CNTN3: variants seen among roughly 807,000 people sequenced by gnomAD.
CNTN3 encodes the protein contactin-3.
Under a neutral mutation model 119.1 loss-of-function variants are expected in CNTN3, and 60 were observed. The ratio of observed to expected loss-of-function variants is 0.50; its 90% CI spans 0.41 to 0.62. The LOEUF is 0.62. Ranked by LOEUF, CNTN3 falls within the 20% of genes least tolerant of loss-of-function variation. The pLI is 0.00. For missense variants in CNTN3, 1,101 were observed against 1,242.4 expected, an observed-to-expected ratio of 0.89 and a Z score of 1.71; for synonymous variants, 450 against 438.7, an observed-to-expected ratio of 1.03 and a Z score of -0.32.
chr3:74,384,844 C>G (rs1314723340), intron 5 of CNTN3, among the ~76,000 whole-genome samples: 1 of 152,182 alleles, frequency 6.6e-6, no homozygotes, highest in Non-Finnish European at 1.5e-5. Context: ...AATTACTGAA[C>G]TGCTCATATT....
At chr3:74,267,576 C>T (rs1001072403) in intron 20 of CNTN3, 198 bp from the exon 21 acceptor site, 2 of 502,860 alleles carry the variant, frequency 4.0e-6, no homozygotes, top group Admixed American at 3.3e-5. Context: ...TTCATTCATA[C>T]ACCAAACCCC....
intron 20 of CNTN3, among the ~76,000 whole-genome samples, chr3:74,271,761 G>T (rs958639168): frequency 6.6e-6 from 1 of 152,040 alleles, no homozygotes; most frequent in African/African-American, 2.4e-5. Flanking sequence ...TAAACATGTG[G>T]TATTGTGCAA....
intron 4 of CNTN3, among the ~76,000 whole-genome samples, chr3:74,481,495 G>A (rs6799372): frequency 0.22 from 33,766 of 151,608 alleles, 3,868 homozygotes; most frequent in East Asian, 0.34. Context: ...TACATGTCAC[G>A]TCTGATAACT....
In CNTN3 at chr3:74,285,350, C is replaced by T. The variant is rs370366005; in HGVS notation, c.2659G>A (p.Ala887Thr). ...TAVRAYNSAG[A>T]GPFSATVNVT... ...TTAACTGTGGCGCTAAAAGGCCCAG[C>T]GCCGGCACTGTTGTAAGCCCGGACA... The change falls in exon 20 of 23, where the codon GCT becomes ACT. Residue 887 changes from alanine (A) to threonine (T), a missense_variant. Ala to Thr is a moderately conservative substitution (Grantham distance 58). Transcript: ENST00000263665. The T allele has an allele frequency of 9.9e-6, 16 of 1,612,656 alleles. No individual in the cohort carries two copies. The highest frequency in any genetic ancestry group is 5.5e-5 in the South Asian group (5 of 90,936).
intron 3 of CNTN3, among the ~76,000 whole-genome samples, chr3:74,493,695 G>A (rs1703008127): frequency 6.6e-6 from 1 of 152,134 alleles, no homozygotes. Flanking sequence ...AAATGTGTCT[G>A]TGTTCAAATG....
chr3:74,346,529 T>A (rs968298896), intron 11 of CNTN3, among the ~76,000 whole-genome samples: 4 of 152,058 alleles, frequency 2.6e-5, no homozygotes, highest in Non-Finnish European at 5.9e-5. Flanking sequence ...GGAAAATGGG[T>A]CATAGTACAA....
chr3:74,514,735 C>A (rs1277477255), intron 2 of CNTN3, among the ~76,000 whole-genome samples: 1 of 151,972 alleles, frequency 6.6e-6, no homozygotes, highest in Non-Finnish European at 1.5e-5. Context: ...AAATAGTATC[C>A]AGTGTTAGAT....
intron 4 of CNTN3, among the ~76,000 whole-genome samples, chr3:74,480,230 T>A (rs891672065): frequency 7.9e-5 from 12 of 152,246 alleles, no homozygotes; most frequent in African/African-American, 2.6e-4. Context: ...AAAATTTGTA[T>A]CCTCTGTGAA....
intron 19 of CNTN3, among the ~76,000 whole-genome samples, chr3:74,293,863 T>C (rs1446248201): frequency 6.6e-6 from 1 of 152,224 alleles, no homozygotes; most frequent in Non-Finnish European, 1.5e-5. Flanking sequence ...GCAGATTAGC[T>C]TTGTCCTGCC....
intron 3 of CNTN3, among the ~76,000 whole-genome samples, chr3:74,495,291 G>T (rs1218809279): frequency 1.3e-5 from 2 of 151,948 alleles, no homozygotes; most frequent in African/African-American, 4.8e-5. Flanking sequence ...AAATAACAAT[G>T]ATATCAGATC....
At chr3:74,592,880 A>T (rs1482265892) in intron 1 of CNTN3, among the ~76,000 whole-genome samples, 1 of 152,046 alleles carries the variant, frequency 6.6e-6, no homozygotes, top group African/African-American at 2.4e-5. Context: ...TACACAAAAA[A>T]TAAGTGAAAT....
Position 74,560,099 on chromosome 3 carries a change from G to C in CNTN3, c.-80-38907C>G, listed in dbSNP as rs75681859. Among the ~76,000 whole-genome samples, 101 of 152,260 alleles carry C rather than the reference G, an allele frequency of 6.6e-4. No individual in the cohort carries two copies. The East Asian group carries it at 0.018, about 27-fold the overall frequency. Reference sequence around the variant, plus strand: ...ACGGTATCAGTCCTGCTCAGGCTGTGAAACGAGATAGCCCAGGGTGCAAAT... The same window carrying C: ...ACGGTATCAGTCCTGCTCAGGCTGTCAAACGAGATAGCCCAGGGTGCAAAT... On this transcript the variant is annotated intron_variant, in intron 1 of 22. Coordinates refer to ENST00000263665, the MANE Select transcript of CNTN3 (RefSeq NM_020872.3).
At chr3:74,349,319 T>C (rs1575743630) in intron 11 of CNTN3, among the ~76,000 whole-genome samples, 1 of 152,084 alleles carries the variant, frequency 6.6e-6, no homozygotes, top group Non-Finnish European at 1.5e-5. Flanking sequence ...CTACTGAATA[T>C]ATAAAGAAAC....
At chr3:74,402,254 G>A (rs1228002308) in intron 5 of CNTN3, among the ~76,000 whole-genome samples, 1 of 152,142 alleles carries the variant, frequency 6.6e-6, no homozygotes, top group Admixed American at 6.6e-5. Context: ...AAATATAGGA[G>A]CACTGTTTAA....
intron 4 of CNTN3, among the ~76,000 whole-genome samples, chr3:74,472,643 T>C (rs936913720): frequency 6.6e-6 from 1 of 152,238 alleles, no homozygotes; most frequent in Non-Finnish European, 1.5e-5. Context: ...AAGTCACAAC[T>C]TTCTAATGAG....
At chr3:74,290,681 T>G (rs1702210664) in intron 19 of CNTN3, among the ~76,000 whole-genome samples, 1 of 152,110 alleles carries the variant, frequency 6.6e-6, no homozygotes, top group Non-Finnish European at 1.5e-5. Context: ...CTGCCATATG[T>G]GTTCATTTAT....
intron 11 of CNTN3, among the ~76,000 whole-genome samples, chr3:74,348,033 TG>T (rs1160141829): frequency 6.6e-6 from 1 of 152,084 alleles, no homozygotes; most frequent in African/African-American, 2.4e-5. Context: ...AGCTGGAGGA[TG>T]GGGGAGATGG....
At position 74,361,986 on chromosome 3, in the gene CNTN3, A is replaced by T. The variant is rs1203648005; in HGVS notation, c.1268T>A (p.Val423Glu). Reference sequence around the variant, plus strand: ...ACAATCCAAGCTGACCAGGCTGCCCACCTGCACCTGAACCAACTTCTTCAT... The same window carrying T: ...ACAATCCAAGCTGACCAGGCTGCCCTCCTGCACCTGAACCAACTTCTTCAT... Reference protein sequence around the residue: ...NPMKKLVQVQVGSLVSLDCKP... With the variant: ...NPMKKLVQVQEGSLVSLDCKP... Residue 423 changes from valine to glutamate, a missense_variant, in exon 11 of 23, where the codon GTG becomes GAG. Transcript: ENST00000263665. 1.9e-6 allele frequency: 3 copies of T among 1,613,696 alleles called. No homozygotes were observed. Among genetic ancestry groups the T allele is most frequent in the African/African-American group, 2.7e-5 (2 of 74,914 alleles).
intron 10 of CNTN3, among the ~76,000 whole-genome samples, chr3:74,363,762 T>C (rs1462730345): frequency 6.6e-6 from 1 of 152,096 alleles, no homozygotes; most frequent in Admixed American, 6.6e-5. Flanking sequence ...GACCAAATTA[T>C]GCTGAAATCC....
Sources: allele counts gnomAD v4.1 joint callset (sites outside exome capture counted in the v4.1 genomes callset), GRCh38; gene constraint gnomAD v4.1.1; transcripts MANE v1.5; gene names NCBI Gene and HGNC (gene_info 2026-07-23, HGNC 2026-07-21).